MUC12: variants seen among roughly 807,000 people sequenced by gnomAD.
MUC12 encodes the protein mucin-12.
A neutral mutation model predicts 230.8 loss-of-function variants in MUC12; 172 were observed. The ratio of observed to expected loss-of-function variants is 0.75; its 90% CI spans 0.66 to 0.85. The LOEUF is 0.85. MUC12 is among the 40% of genes least tolerant of loss of function. The probability of loss-of-function intolerance (pLI) is 0.00; values close to 1 mark genes in which losing one functional copy is unlikely to be tolerated. For synonymous variants in MUC12, 1,259 were observed against 2,401.9 expected, an observed-to-expected ratio of 0.52 and a Z score of 13.91; for missense variants, 3,506 against 5,920.6, an observed-to-expected ratio of 0.59 and a Z score of 13.38.
At chr7:101,014,388 C>T (rs750047016) in intron 9 of MUC12, 35 of 236,938 alleles carry the variant, frequency 1.5e-4, no homozygotes, top group Admixed American at 6.7e-4. Flanking sequence ...GATCAAGGGG[C>T]TGCATCTGGT....
rs1793314738 is a variant in MUC12, at chr7:100,991,758, T to A, written c.1195T>A (p.Ser399Thr). The A allele has an allele frequency of 6.5e-7, 1 of 1,537,772 alleles. No individual in the cohort carries two copies. Among genetic ancestry groups the A allele is most frequent in the Non-Finnish European group, 8.7e-7 (1 of 1,147,070 alleles). ...FHGSTTHTKS[S>T]TPSTTAALAH... is the part of the protein sequence containing the mutation. ...CGGCAGCACAACACACACAAAATCT[T>A]CAACTCCTAGCACCACAGCTGCCCT... is the stretch of plus-strand genomic sequence containing the variant. Residue 399 changes from serine (S) to threonine (T), a missense_variant, in exon 2 of 12, where the codon TCA becomes ACA. Transcript: ENST00000536621.
Position 100,969,709 on chromosome 7 carries a change from T to A in MUC12, c.67+20T>A, listed in dbSNP as rs758211362. 1.3e-6 allele frequency: 2 copies of A among 1,537,274 alleles called. No homozygotes were observed. Among genetic ancestry groups the A allele is most frequent in the Admixed American group, 3.9e-5 (2 of 50,990 alleles). ...CACCAGGTGAGTGCTCCTGGGCTGA[T>A]GCTCCAGGTCCAGTGCTCCTGGGTG... On this transcript the variant is annotated intron_variant, in intron 1 of 11. Coordinates refer to ENST00000536621, the MANE Select transcript of MUC12 (RefSeq NM_001164462.2).
rs1562784201 is a variant in MUC12 at position 100,993,301 on chromosome 7, G to C, written c.2738G>C (p.Ser913Thr). ...PSQESTTSHS[S>T]SGSTDTALSP... Reference sequence around the variant, plus strand: ...CAGGAATCAACAACTTCCCACAGCAGCTCAGGTTCAACTGACACAGCACTG... The same window carrying C: ...CAGGAATCAACAACTTCCCACAGCACCTCAGGTTCAACTGACACAGCACTG... The change falls in exon 2 of 12, where the codon AGC (serine) becomes ACC (threonine). Residue 913 changes from serine (S) to threonine (T), a missense_variant. Ser to Thr is a moderately conservative substitution (Grantham distance 58, BLOSUM62 1). Transcript: ENST00000536621. 1.1e-6 allele frequency: 1 copy of C among 909,022 alleles called. No individual in the cohort carries two copies. Among genetic ancestry groups the C allele is most frequent in the Non-Finnish European group, 1.6e-6 (1 of 640,170 alleles). The allele number at this position is 909,022 out of a possible 1,614,324, so 56.3% of individuals were successfully genotyped here.
rs879087076 is a variant in MUC12 at position 101,004,400 on chromosome 7, C to G, written c.13837C>G (p.Gln4613Glu). ...TAYHSSPGSTQTMHFPESSTA... is the reference protein window; with the variant it reads ...TAYHSSPGSTETMHFPESSTA... Reference sequence around the variant, plus strand: ...GTACCACAGCAGCCCGGGCTCAACTCAAACAATGCACTTCCCTGAAAGCTC... The same window carrying G: ...GTACCACAGCAGCCCGGGCTCAACTGAAACAATGCACTTCCCTGAAAGCTC... Residue 4613 changes from glutamine to glutamate, a missense_variant, in exon 2 of 12, where the codon CAA (glutamine) becomes GAA (glutamate). Gln to Glu is a conservative substitution (Grantham distance 29). Coordinates refer to ENST00000536621, the MANE Select transcript of MUC12 (RefSeq NM_001164462.2). 1.6e-5 allele frequency: 24 copies of G among 1,491,206 alleles called. No homozygotes were observed. The highest frequency in any genetic ancestry group is 8.3e-5 in the African/African-American group (5 of 60,452). The allele number at this position is 1,491,206 out of a possible 1,614,324, so 92.4% of individuals were successfully genotyped here.
intron 10 of MUC12, among the ~76,000 whole-genome samples, chr7:101,016,041 G>A (rs568172394): frequency 2.0e-4 from 31 of 152,260 alleles, no homozygotes; most frequent in Non-Finnish European, 4.1e-4. Flanking sequence ...TTAGCCCCCA[G>A]GTGAGACTGA....
chr7:100,992,467 A>T lies in MUC12; in HGVS notation c.1904A>T (p.His635Leu), dbSNP rs371363490. Residue 635 changes from histidine (H) to leucine (L), a missense_variant, in exon 2 of 12, where the codon CAT (histidine) becomes CTT (leucine). Transcript: ENST00000536621. ...CGTCAGGGAGAATCTACCACATTCC[A>T]TAGCTGGCCAAGCTCAAAGGACACT... ...TTRQGESTTF[H>L]SWPSSKDTRP... The T allele has an allele frequency of 9.8e-6, 15 of 1,537,768 alleles. No individual in the cohort carries two copies. The highest frequency in any genetic ancestry group is 2.4e-5 in the East Asian group (1 of 40,936).
chr7:101,005,928 G>T (rs920099543), intron 2 of MUC12, among the ~76,000 whole-genome samples: 1 of 151,976 alleles, frequency 6.6e-6, no homozygotes, highest in Non-Finnish European at 1.5e-5. Flanking sequence ...CTCCCAAGTG[G>T]CTTGGATTAC....
intron 1 of MUC12, among the ~76,000 whole-genome samples, chr7:100,972,509 CTT>C (rs764820674): frequency 4.9e-5 from 7 of 143,470 alleles, no homozygotes; most frequent in Non-Finnish European, 7.8e-5. Context: ...GCATCTGTAG[CTT>C]TTTTTTTTTT....
At chr7:100,982,402 A>T (rs1584827122) in intron 1 of MUC12, among the ~76,000 whole-genome samples, 2 of 147,104 alleles carry the variant, frequency 1.4e-5, no homozygotes, top group East Asian at 2.0e-4. Context: ...CTAGCCCTTT[A>T]TTGGGGCTAA....
At chr7:100,974,498 G>C (rs1288177153) in intron 1 of MUC12, among the ~76,000 whole-genome samples, 1 of 149,520 alleles carries the variant, frequency 6.7e-6, no homozygotes, top group Non-Finnish European at 1.5e-5. Flanking sequence ...TTCCTCTACT[G>C]TGTCTTATCT....
Position 100,991,731 on chromosome 7 carries a change from C to T in MUC12, c.1168C>T (p.His390Tyr), listed in dbSNP as rs1224768659. The T allele has an allele frequency of 6.5e-7, 1 of 1,537,872 alleles. No homozygotes were observed. Among genetic ancestry groups the T allele is most frequent in the East Asian group, 2.4e-5 (1 of 40,942 alleles). Residue 390 changes from histidine (H) to tyrosine (Y), a missense_variant, in exon 2 of 12, where the codon CAC (histidine) becomes TAC (tyrosine). His to Tyr is a moderately conservative substitution (Grantham distance 83). Coordinates refer to ENST00000536621, the MANE Select transcript of MUC12 (RefSeq NM_001164462.2). ...SGHSEESATFHGSTTHTKSST... is the reference protein window; with the variant it reads ...SGHSEESATFYGSTTHTKSST... ...CCATAGTGAAGAATCAGCAACTTTC[C>T]ACGGCAGCACAACACACACAAAATC... is the stretch of plus-strand genomic sequence containing the variant.
intron 5 of MUC12, among the ~76,000 whole-genome samples, chr7:101,010,130 G>T (rs911166419): frequency 2.2e-4 from 33 of 152,126 alleles, no homozygotes; most frequent in African/African-American, 7.2e-4. Flanking sequence ...CTGCAGGAGA[G>T]GAGGGAGGGA....
At chr7:101,014,236 A>C (rs1368701737) in intron 9 of MUC12, 162 bp downstream of exon 9, 4 of 727,568 alleles carry the variant, frequency 5.5e-6, no homozygotes, top group Non-Finnish European at 6.3e-6. Flanking sequence ...TGGGTGCAGC[A>C]AAGGGCGGCC....
Position 100,992,096 on chromosome 7 carries a change from C to A in MUC12, c.1533C>A (p.Ser511Arg). Residue 511 changes from serine to arginine, a missense_variant, in exon 2 of 12, where the codon AGC becomes AGA. Ser to Arg is a moderately radical substitution (Grantham distance 110). Transcript: ENST00000536621. ...CAGACACAACACACTTACCTGCCAG[C>A]ATGACAAGCTCAGGCGTCAGTGAAG... ...RSPDTTHLPA[S>R]MTSSGVSEES... 1 of 1,537,266 alleles carries A rather than the reference C, an allele frequency of 6.5e-7. No individual in the cohort carries two copies. Among genetic ancestry groups the A allele is most frequent in the Non-Finnish European group, 8.7e-7 (1 of 1,146,668 alleles).
chr7:101,003,007 T>C lies in MUC12; in HGVS notation c.12444T>C (p.Pro4148=). ...GTGCAACTGGAACAGCACTCTTCCC[T>C]ACCCGCTCTGCAACCTCAGTTCTTG... ...SPGATGTALF[P]TRSATSVLVG... The change falls in exon 2 of 12, where the codon CCT becomes CCC. Residue 4148 remains proline, a synonymous_variant. Transcript: ENST00000536621. 1 of 1,199,832 alleles carries C rather than the reference T, an allele frequency of 8.3e-7. No homozygotes were observed. The highest frequency in any genetic ancestry group is 1.2e-6 in the Non-Finnish European group (1 of 865,428). 74.3% of individuals were successfully genotyped at this position (1,199,832 alleles called of 1,614,324 possible).
At chr7:100,979,771 T>G (rs1429841879) in intron 1 of MUC12, among the ~76,000 whole-genome samples, 1 of 150,306 alleles carries the variant, frequency 6.7e-6, no homozygotes, top group East Asian at 2.0e-4. Context: ...GCAAGACTCC[T>G]TCTCAAAAAA....
At chr7:100,977,523 G>A (rs542352923) in intron 1 of MUC12, among the ~76,000 whole-genome samples, 3 of 152,032 alleles carry the variant, frequency 2.0e-5, no homozygotes, top group Admixed American at 1.3e-4. Flanking sequence ...GCGCCACCAC[G>A]CCCGGCTAAG....
chr7:100,981,806 C>A (rs1057096554), intron 1 of MUC12, among the ~76,000 whole-genome samples: 2 of 152,038 alleles, frequency 1.3e-5, no homozygotes, highest in African/African-American at 4.8e-5. Flanking sequence ...CTTGGCCTCA[C>A]CAGCCTCTGT....
chr7:100,984,448 G>A (rs1324313069), intron 1 of MUC12, among the ~76,000 whole-genome samples: 1 of 152,020 alleles, frequency 6.6e-6, no homozygotes, highest in Non-Finnish European at 1.5e-5. Context: ...GTAGAAACAA[G>A]GTTTCACCAC....
Sources: allele counts gnomAD v4.1 joint callset (sites outside exome capture counted in the v4.1 genomes callset), GRCh38; gene constraint gnomAD v4.1.1; transcripts MANE v1.5; gene names NCBI Gene and HGNC (gene_info 2026-07-23, HGNC 2026-07-21).